The following FRMPD4 variants were observed in gnomAD, a reference collection of about 807,000 sequenced individuals.
FRMPD4 encodes FERM and PDZ domain containing 4.
Under a neutral mutation model 94.1 loss-of-function variants are expected in FRMPD4, and 22 were observed. The observed-to-expected ratio is 0.23, with a 90% CI of 0.17 to 0.33. FRMPD4 has a LOEUF of 0.33. Among genes scored for constraint, FRMPD4 ranks in the 10% least tolerant of loss-of-function variants. The pLI is 1.00. For missense variants in FRMPD4, 1,111 were observed against 1,339.9 expected (o/e 0.83, Z 2.67); for synonymous variants, 631 against 548.6 (o/e 1.15, Z -2.10).
rs956354589 is a variant in FRMPD4, at chrX:12,720,806, G to A, written c.4237G>A (p.Asp1413Asn). The change falls in exon 17 of 17, where the codon GAT becomes AAT. Residue 1413 changes from aspartate to asparagine, a missense_variant. Physicochemically the swap from Asp to Asn is conservative, Grantham distance 23 (BLOSUM62 1). Coordinates refer to ENST00000675598, the MANE Select transcript of FRMPD4 (RefSeq NM_001368397.1). Reference sequence around the variant, plus strand: ...CAGCAGTATCCTCTCCGGATCTGTCGATTTGGAGACCTTCCGAGAGAGAAC... The same window carrying A: ...CAGCAGTATCCTCTCCGGATCTGTCAATTTGGAGACCTTCCGAGAGAGAAC... ...HSSSILSGSV[D>N]LETFRERTKG... is the part of the protein sequence containing the mutation. 29 of 978,875 alleles carry A rather than the reference G, an allele frequency of 3.0e-5. No individual in the cohort carries two copies. The highest frequency in any genetic ancestry group is 2.5e-4 in the Admixed American group (5 of 20,366). 80.7% of individuals were successfully genotyped at this position (978,875 alleles called of 1,213,427 possible). A position where few individuals can be genotyped will look rare whatever the true frequency, so the allele number is the denominator to read the frequency against.
At chrX:11,882,089 A>G (rs1490411777) in intron 3 of FRMPD4, among the ~76,000 whole-genome samples, 1 of 111,974 alleles carries the variant, frequency 8.9e-6, no homozygotes, top group East Asian at 2.8e-4. Flanking sequence ...GATATAAAAA[A>G]AAGTTTGAAA....
intron 2 of FRMPD4, among the ~76,000 whole-genome samples, chrX:12,543,483 G>GA (rs1056379218): frequency 2.7e-5 from 3 of 112,268 alleles, no homozygotes; most frequent in Non-Finnish European, 5.6e-5. Flanking sequence ...AAAGACACAT[G>GA]AAAAAATGCT....
chrX:11,890,274 G>A (rs950459361), intron 3 of FRMPD4, among the ~76,000 whole-genome samples: 1 of 112,315 alleles, frequency 8.9e-6, no homozygotes, highest in Non-Finnish European at 1.9e-5. Context: ...GCTGTCCTTA[G>A]ACCAGCACCA....
chrX:12,481,949 A>AT (rs1569294804), intron 1 of FRMPD4, among the ~76,000 whole-genome samples: 5 of 89,851 alleles, frequency 5.6e-5, no homozygotes, highest in Non-Finnish European at 8.8e-5. Flanking sequence ...TCTCAAAAAA[A>AT]AAAAAAAAAA....
chrX:12,230,129 C>T (rs2056967870), intron 1 of FRMPD4, among the ~76,000 whole-genome samples: 1 of 111,264 alleles, frequency 9.0e-6, no homozygotes, highest in African/African-American at 3.3e-5. Flanking sequence ...GGCCTGTTGG[C>T]TCTCACCCAT....
chrX:11,860,218 G>T (rs922868230), intron 1 of FRMPD4, among the ~76,000 whole-genome samples: 2 of 112,362 alleles, frequency 1.8e-5, no homozygotes, highest in Non-Finnish European at 3.8e-5. Flanking sequence ...GGTTGCTGTG[G>T]TTCTTGGCTG....
At chrX:11,873,781 T>C (rs2053767815) in intron 2 of FRMPD4, among the ~76,000 whole-genome samples, 1 of 110,095 alleles carries the variant, frequency 9.1e-6, no homozygotes, top group South Asian at 3.9e-4. Context: ...GGACCTAGAA[T>C]AGCGAAAACA....
At chrX:12,706,609 C>T (rs1397066928) in intron 11 of FRMPD4, among the ~76,000 whole-genome samples, 1 of 111,874 alleles carries the variant, frequency 8.9e-6, no homozygotes, top group East Asian at 2.8e-4. Flanking sequence ...CATTGACCCC[C>T]TAATAAATAA....
At chrX:12,531,947 C>A (rs1411636485) in intron 2 of FRMPD4, among the ~76,000 whole-genome samples, 1 of 111,718 alleles carries the variant, frequency 9.0e-6, no homozygotes, top group Non-Finnish European at 1.9e-5. Context: ...TATATTTAGT[C>A]CTTGGTCTCT....
chrX:12,418,680 G>A (rs962699434), intron 1 of FRMPD4, among the ~76,000 whole-genome samples: 2 of 110,071 alleles, frequency 1.8e-5, no homozygotes, highest in Non-Finnish European at 3.8e-5. Flanking sequence ...ATTTCTAAGT[G>A]TAAATAAAAT....
intron 3 of FRMPD4, chrX:12,614,090 GGAGCTGT>G (rs1402841032): frequency 1.8e-5 from 2 of 113,271 alleles, no homozygotes; most frequent in Non-Finnish European, 3.8e-5. Context: ...GGATGCACAT[GGAGCTGT>G]GAGGGAGGAA....
chrX:11,841,367 T>A (rs1164972287), intron 1 of FRMPD4, among the ~76,000 whole-genome samples: 2 of 110,159 alleles, frequency 1.8e-5, no homozygotes, highest in Admixed American at 9.7e-5. Context: ...CCACCAACAG[T>A]GTAAAAGTGT....
chrX:12,030,235 T>C (rs868452826), intron 3 of FRMPD4, among the ~76,000 whole-genome samples: 13 of 112,211 alleles, frequency 1.2e-4, no homozygotes, highest in African/African-American at 4.2e-4. Flanking sequence ...CTAGAAAAGT[T>C]AGCATCTACA....
chrX:12,408,638 C>T (rs2056695159), intron 1 of FRMPD4, among the ~76,000 whole-genome samples: 1 of 111,258 alleles, frequency 9.0e-6, no homozygotes, highest in Admixed American at 9.6e-5. Flanking sequence ...AGCACAGCAC[C>T]CAGCCCATAC....
intron 1 of FRMPD4, among the ~76,000 whole-genome samples, chrX:12,147,994 A>C (rs758143262): frequency 8.9e-6 from 1 of 111,895 alleles, no homozygotes; most frequent in South Asian, 3.7e-4. Flanking sequence ...CCAACTAGCC[A>C]TTCCCTCATG....
intron 2 of FRMPD4, among the ~76,000 whole-genome samples, chrX:11,876,470 T>A (rs1200943288): frequency 1.8e-5 from 2 of 111,245 alleles, no homozygotes; most frequent in Non-Finnish European, 3.8e-5. Context: ...CTTGATTGGT[T>A]TTGCTGTCAA....
intron 4 of FRMPD4, among the ~76,000 whole-genome samples, chrX:12,633,196 A>G (rs2059412108): frequency 8.9e-6 from 1 of 112,233 alleles, no homozygotes; most frequent in Admixed American, 9.5e-5. Context: ...GTCTATCTGT[A>G]TATGTACTTT....
At chrX:11,990,758 A>G (rs2054459005) in intron 3 of FRMPD4, among the ~76,000 whole-genome samples, 1 of 111,801 alleles carries the variant, frequency 8.9e-6, no homozygotes, top group Non-Finnish European at 1.9e-5. Context: ...GGCTTTAAAC[A>G]ACACATGTTT....
At chrX:12,539,854 G>C (rs1189294626) in intron 2 of FRMPD4, among the ~76,000 whole-genome samples, 2 of 111,308 alleles carry the variant, frequency 1.8e-5, no homozygotes, top group African/African-American at 3.3e-5. Context: ...GGCTGGTCTC[G>C]AACTCCTGAC....
Sources: allele counts gnomAD v4.1 joint callset (sites outside exome capture counted in the v4.1 genomes callset), GRCh38; gene constraint gnomAD v4.1.1; transcripts MANE v1.5; gene names NCBI Gene and HGNC (gene_info 2026-07-23, HGNC 2026-07-21).